The following ABCG1 variants were observed in gnomAD, a reference collection of about 807,000 sequenced individuals.
ABCG1 encodes ATP-binding cassette sub-family G member 1.
Under a neutral mutation model 69.2 loss-of-function variants are expected in ABCG1, and 29 were observed. The observed-to-expected ratio is 0.42, with a 90% CI of 0.31 to 0.57. The LOEUF (loss-of-function observed/expected upper bound fraction) is 0.57, where lower values mean the gene tolerates loss of function less well. ABCG1 is among the 20% of genes least tolerant of loss of function. The probability of loss-of-function intolerance (pLI) is 0.15; values close to 1 mark genes in which losing one functional copy is unlikely to be tolerated. For missense variants in ABCG1, 718 were observed against 898.1 expected (o/e 0.80, Z 2.56); for synonymous variants, 370 against 374.8 (o/e 0.99, Z 0.15).
chr21:42,241,147 G>T (rs895416265), intron 2 of ABCG1, among the ~76,000 whole-genome samples: 1 of 152,256 alleles, frequency 6.6e-6, no homozygotes, highest in Non-Finnish European at 1.5e-5. Context: ...CACTGGCCAC[G>T]TTCAGACGTG....
At chr21:42,217,357 C>A (rs2067652070), upstream of ABCG1, among the ~76,000 whole-genome samples, 1 of 152,106 alleles carries the variant, frequency 6.6e-6, no homozygotes, top group African/African-American at 2.4e-5. Context: ...ATGGACAGTT[C>A]CTCCCCGGCT....
intron 2 of ABCG1, among the ~76,000 whole-genome samples, chr21:42,235,826 C>T (rs1166579044): frequency 1.3e-5 from 2 of 152,188 alleles, no homozygotes; most frequent in East Asian, 1.9e-4. Context: ...GCATGTCAGA[C>T]GGACCGCCAC....
chr21:42,281,721 T>A (rs769558972), intron 5 of ABCG1, among the ~76,000 whole-genome samples: 1 of 152,096 alleles, frequency 6.6e-6, no homozygotes, highest in Non-Finnish European at 1.5e-5. Flanking sequence ...GTTCCTGCCC[T>A]TAATGCCTAC....
upstream of ABCG1, among the ~76,000 whole-genome samples, chr21:42,217,047 C>T (rs1292210471): frequency 3.3e-5 from 5 of 152,192 alleles, no homozygotes; most frequent in Admixed American, 6.5e-5. Context: ...TTCATCCTCA[C>T]GCTCCACACA....
chr21:42,266,788 C>A (rs150353281), intron 2 of ABCG1, among the ~76,000 whole-genome samples: 22 of 152,258 alleles, frequency 1.4e-4, no homozygotes, highest in Admixed American at 3.3e-4. Flanking sequence ...CCATCTTGTC[C>A]GGTTCTCTTT....
chr21:42,201,947 GC>G (rs1014227718), intron 2 of ABCG1, among the ~76,000 whole-genome samples: 1 of 152,156 alleles, frequency 6.6e-6, no homozygotes, highest in African/African-American at 2.4e-5. Context: ...CCCTCCAGGT[GC>G]CCCACCCTGG....
chr21:42,236,248 T>C (rs751113472), intron 2 of ABCG1, among the ~76,000 whole-genome samples: 1 of 152,260 alleles, frequency 6.6e-6, no homozygotes, highest in Non-Finnish European at 1.5e-5. Context: ...GCCGAGTCAC[T>C]TCTACCCTAG....
At chr21:42,271,654 G>GGC (rs2068620276) in intron 3 of ABCG1, among the ~76,000 whole-genome samples, 1 of 152,198 alleles carries the variant, frequency 6.6e-6, no homozygotes, top group African/African-American at 2.4e-5. Context: ...GGCCGAGGTG[G>GGC]GCGGATTACC....
At chr21:42,284,506 C>T (rs922446164) in intron 6 of ABCG1, 54 bp from the exon 7 acceptor site, 31 of 1,595,686 alleles carry the variant, frequency 1.9e-5, no homozygotes, top group East Asian at 6.7e-5. Flanking sequence ...GAACCTGGGG[C>T]AGTGGCTAGT....
chr21:42,201,099 C>T (rs896296038), intron 1 of ABCG1, among the ~76,000 whole-genome samples: 3 of 151,808 alleles, frequency 2.0e-5, no homozygotes, highest in African/African-American at 7.3e-5. Flanking sequence ...AAGCCTGCCA[C>T]CAGATGTAGC....
intron 2 of ABCG1, chr21:42,201,754 G>C (rs769226259): frequency 6.2e-7 from 1 of 1,613,538 alleles, no homozygotes; most frequent in Non-Finnish European, 8.5e-7. Context: ...GAAGGATTTG[G>C]AAGCTAAAGC....
chr21:42,248,658 C>T (rs1047222991), intron 2 of ABCG1, among the ~76,000 whole-genome samples: 10 of 151,788 alleles, frequency 6.6e-5, no homozygotes, highest in Admixed American at 2.6e-4. Context: ...GAGGCCGAGG[C>T]GGGTGAATTG....
intron 2 of ABCG1, among the ~76,000 whole-genome samples, chr21:42,265,899 T>C (rs1386758600): frequency 6.6e-6 from 1 of 152,212 alleles, no homozygotes; most frequent in Non-Finnish European, 1.5e-5. Context: ...TTGCCCCTCG[T>C]GGCTTGAGGG....
At position 42,296,402 on chromosome 21, in the gene ABCG1, A is replaced by G. The variant is rs186138207; in HGVS notation, c.*10A>G. ...CCGGGCAGAGAGGTAAAACACCTGA[A>G]TGCCAGGAAACAGGAAGATTAGACA... On this transcript the variant is annotated 3_prime_UTR_variant, in exon 15 of 15. Coordinates refer to ENST00000398449, the MANE Select transcript of ABCG1 (RefSeq NM_016818.3). This position sits in a 1 kb window ranked among gnomAD's most constrained non-coding sequence, Gnocchi z 5.4. 5 of 1,608,100 alleles carry G rather than the reference A, an allele frequency of 3.1e-6. No individual in the cohort carries two copies. Among genetic ancestry groups the G allele is most frequent in the African/African-American group, 1.3e-5 (1 of 74,812 alleles).
upstream of ABCG1, among the ~76,000 whole-genome samples, chr21:42,213,196 G>A (rs1189906439): frequency 6.6e-6 from 1 of 152,260 alleles, no homozygotes; most frequent in African/African-American, 2.4e-5. Flanking sequence ...TGTTTCAGAG[G>A]TTATTATTGC....
intron 4 of ABCG1, among the ~76,000 whole-genome samples, chr21:42,275,297 C>G (rs2068690016): frequency 6.6e-6 from 1 of 152,192 alleles, no homozygotes; most frequent in Non-Finnish European, 1.5e-5. Context: ...TGTGGGTAAG[C>G]AGACGCCATT....
intron 13 of ABCG1, among the ~76,000 whole-genome samples, chr21:42,294,054 C>T (rs1355470140): frequency 6.6e-6 from 1 of 152,004 alleles, no homozygotes; most frequent in African/African-American, 2.4e-5. Flanking sequence ...CACTGTGAAC[C>T]CTGAGTCGCG....
At chr21:42,270,308 T>G (rs1452419081) in intron 2 of ABCG1, among the ~76,000 whole-genome samples, 1 of 150,338 alleles carries the variant, frequency 6.7e-6, no homozygotes, top group African/African-American at 2.5e-5. Context: ...AGACATTATC[T>G]ATGCATCCAG....
At chr21:42,281,753 G>A (rs376636549) in intron 5 of ABCG1, among the ~76,000 whole-genome samples, 2 of 152,252 alleles carry the variant, frequency 1.3e-5, no homozygotes, top group East Asian at 3.9e-4. Context: ...CAAGAGTGCT[G>A]GGAACAGCCC....
Sources: gnomAD v4.1 joint callset for allele counts (sites outside exome capture counted in the v4.1 genomes callset) on GRCh38, gnomAD v4.1.1 for gene constraint, Gnocchi (gnomAD v3.1) non-coding constraint, MANE v1.5 for transcripts, NCBI Gene and HGNC (gene_info 2026-07-23, HGNC 2026-07-21) for gene names.